Variants in CYP3A7 observed in about 807,000 individuals in gnomAD.
CYP3A7 encodes cytochrome P450 family 3 subfamily A member 7, also known as cytochrome P450 3A7.
Under a neutral mutation model 55.2 loss-of-function variants are expected in CYP3A7, and 45 were observed. The observed-to-expected ratio is 0.82, with a 90% confidence interval of 0.64 to 1.05. CYP3A7 has a LOEUF of 1.05. CYP3A7 is among the 50% of genes least tolerant of loss of function. The pLI is 0.00. For missense variants in CYP3A7, 548 were observed against 605.3 expected, an observed-to-expected ratio of 0.91 and a Z score of 0.99; for synonymous variants, 180 against 207.4, an observed-to-expected ratio of 0.87 and a Z score of 1.13.
At chr7:99,730,662 T>G in intron 2 of CYP3A7, 1 of 209,646 alleles carries the variant, frequency 4.8e-6, no homozygotes, top group East Asian at 1.1e-4. Flanking sequence ...GAGAGGAAAG[T>G]TTTACTCTCA....
chr7:99,709,542 A>G (rs1813665348), intron 10 of CYP3A7, among the ~76,000 whole-genome samples: 2 of 152,280 alleles, frequency 1.3e-5, no homozygotes, highest in Middle Eastern at 3.4e-3. Flanking sequence ...TTTCTTTCTC[A>G]TGGAAGCAAA....
At chr7:99,705,823 A>G (rs1163386812) in intron 12 of CYP3A7, among the ~76,000 whole-genome samples, 3 of 152,196 alleles carry the variant, frequency 2.0e-5, no homozygotes, top group Non-Finnish European at 4.4e-5. Context: ...TGGAGCACCT[A>G]TTCTGTGTGA....
chr7:99,723,518 A>T (rs1814288983), intron 2 of CYP3A7, among the ~76,000 whole-genome samples: 1 of 152,166 alleles, frequency 6.6e-6, no homozygotes, highest in African/African-American at 2.4e-5. Flanking sequence ...GTGATTAAAA[A>T]GCTTTATTGC....
At chr7:99,721,185 C>T (rs2687144) in intron 3 of CYP3A7, among the ~76,000 whole-genome samples, 115,935 of 152,136 alleles carry the variant, frequency 0.76, 47,148 homozygotes, top group Non-Finnish European at 0.91. Context: ...TATTCAGCAT[C>T]TCTTCAAATT....
rs1563020938 is a variant in CYP3A7, at chr7:99,713,382, T to C, written c.865+87A>G. On this transcript the variant is annotated intron_variant, in intron 9 of 12. Transcript: ENST00000336374. ...CTGCTATGTGGCAGAAATTCTCATC[T>C]ACCTGGAATACTTCCTGCACATTTT... The C allele has an allele frequency of 3.8e-6, 6 of 1,587,804 alleles. No individual in the cohort carries two copies. The South Asian group carries it at 6.6e-5, about 18-fold the overall frequency.
chr7:99,711,681 T>C (rs1813754512), intron 9 of CYP3A7, among the ~76,000 whole-genome samples: 1 of 152,182 alleles, frequency 6.6e-6, no homozygotes, highest in African/African-American at 2.4e-5. Context: ...GGCAGAATAA[T>C]CGCTTGAATC....
chr7:99,730,885 A>G (rs550794945), intron 2 of CYP3A7, 174 bp downstream of exon 2: 21 of 776,286 alleles, frequency 2.7e-5, no homozygotes, highest in African/African-American at 2.3e-4. Flanking sequence ...GGTTCCTGAG[A>G]GTTAGCAAGA....
chr7:99,727,494 C>A (rs556970753), intron 2 of CYP3A7, among the ~76,000 whole-genome samples: 5 of 152,310 alleles, frequency 3.3e-5, no homozygotes, highest in South Asian at 2.1e-4. Flanking sequence ...GGGCTTCAGT[C>A]TGGCCTCCCA....
intron 1 of CYP3A7, among the ~76,000 whole-genome samples, chr7:99,734,197 C>G (rs552771807): frequency 6.6e-6 from 1 of 152,160 alleles, no homozygotes; most frequent in Non-Finnish European, 1.5e-5. Context: ...AGAATTAAAA[C>G]GAGGTTTGTA....
chr7:99,725,294 A>C (rs1814366916), intron 2 of CYP3A7, among the ~76,000 whole-genome samples: 1 of 152,170 alleles, frequency 6.6e-6, no homozygotes, highest in South Asian at 2.1e-4. Flanking sequence ...CTCTCCTGAC[A>C]TTAGAAAAAA....
chr7:99,722,480 T>C, intron 2 of CYP3A7, 132 bp from the exon 3 acceptor site: 1 of 1,121,224 alleles, frequency 8.9e-7, no homozygotes, highest in African/African-American at 1.6e-5. Context: ...TATTTAGAGA[T>C]GTCATAAGAG....
chr7:99,732,046 C>G (rs566896097), intron 1 of CYP3A7, among the ~76,000 whole-genome samples: 1 of 152,284 alleles, frequency 6.6e-6, no homozygotes, highest in African/African-American at 2.4e-5. Context: ...CTACCCAAAT[C>G]TCATGTTGAA....
At chr7:99,711,938 C>T (rs1226003874) in intron 9 of CYP3A7, among the ~76,000 whole-genome samples, 1 of 152,114 alleles carries the variant, frequency 6.6e-6, no homozygotes, top group Non-Finnish European at 1.5e-5. Flanking sequence ...AGGTAATAGA[C>T]CCAGGCTATA....
At chr7:99,722,685 G>A (rs1814249157) in intron 2 of CYP3A7, among the ~76,000 whole-genome samples, 1 of 152,122 alleles carries the variant, frequency 6.6e-6, no homozygotes, top group South Asian at 2.1e-4. Flanking sequence ...TCACCTCTAG[G>A]GGCATGTGGA....
intron 1 of CYP3A7, among the ~76,000 whole-genome samples, chr7:99,731,388 G>A (rs1814612182): frequency 6.6e-6 from 1 of 152,204 alleles, no homozygotes; most frequent in African/African-American, 2.4e-5. Flanking sequence ...AAGTCTTCAT[G>A]GCCCCAGTCT....
chr7:99,705,549 G>A lies in CYP3A7; in HGVS notation c.1463C>T (p.Pro488Leu). The stretch of plus-strand genomic sequence containing the variant: ...CCTTGACTCAGCCTTTAGAACAATG[G>A]GTTTTTCTGTTAGAAGAAGTCCTCC... ...RFGGLLLTEK[P>L]IVLKAESRDE... is the part of the protein sequence containing the mutation. The change falls in exon 13 of 13, where the codon CCC (proline) becomes CTC (leucine). Residue 488 changes from proline (P) to leucine (L), a missense_variant. Coordinates refer to ENST00000336374, the MANE Select transcript of CYP3A7 (RefSeq NM_000765.5). 1 of 1,613,534 alleles carries A rather than the reference G, an allele frequency of 6.2e-7. No individual in the cohort carries two copies. The highest frequency in any genetic ancestry group is 8.5e-7 in the Non-Finnish European group (1 of 1,179,692).
chr7:99,719,998 AAAAC>A (rs543167948), intron 4 of CYP3A7, among the ~76,000 whole-genome samples: 269 of 152,280 alleles, frequency 1.8e-3, no homozygotes, highest in African/African-American at 6.3e-3. Flanking sequence ...CTCAGTCCGA[AAAAC>A]AAACAACAAA....
In CYP3A7 at chr7:99,720,359, T is replaced by C. The variant is rs763979975; in HGVS notation, c.272A>G (p.Lys91Arg). The change falls in exon 4 of 13, where the codon AAA becomes AGA. Residue 91 changes from lysine to arginine, a missense_variant. Physicochemically the swap from Lys to Arg is conservative, Grantham distance 26 (BLOSUM62 2). Transcript: ENST00000336374. ...ATAACATTCTTTCACTAGCACTGTT[T>C]TGATCATGTCGGGATCTGTGATAGC... ...MLAITDPDMI[K>R]TVLVKECYSV... 3.1e-6 allele frequency: 5 copies of C among 1,613,672 alleles called. No homozygotes were observed. The East Asian group carries it at 1.1e-4, about 36-fold the overall frequency.
intron 2 of CYP3A7, among the ~76,000 whole-genome samples, chr7:99,728,408 A>G (rs115510259): frequency 0.011 from 1,610 of 152,234 alleles, 32 homozygotes; most frequent in African/African-American, 0.037. Context: ...TTGGTTGTAG[A>G]CACTATGCTC....
Sources: allele counts gnomAD v4.1 joint callset (sites outside exome capture counted in the v4.1 genomes callset), GRCh38; gene constraint gnomAD v4.1.1; transcripts MANE v1.5; gene names NCBI Gene and HGNC (gene_info 2026-07-23, HGNC 2026-07-21).